The following GLIS3 variants were observed in gnomAD, a reference collection of about 807,000 sequenced individuals.
GLIS3 encodes zinc finger protein GLIS3.
In GLIS3, 53 loss-of-function variants were observed where a neutral mutation model predicts 78.6. The observed-to-expected ratio is 0.67, with a 90% CI of 0.54 to 0.85. The LOEUF is 0.85. GLIS3 is among the 40% of genes least tolerant of loss of function. GLIS3 has a pLI of 0.00. For synonymous variants in GLIS3, 684 were observed against 509.9 expected (o/e 1.34, Z -4.60); for missense variants, 1,703 against 1,231.1 (o/e 1.38, Z -5.74).
At chr9:4,079,224 C>T (rs1327825291) in intron 4 of GLIS3, among the ~76,000 whole-genome samples, 5 of 152,166 alleles carry the variant, frequency 3.3e-5, no homozygotes, top group Admixed American at 6.5e-5. Flanking sequence ...ATGCCTTGCA[C>T]ATACTCAACA....
chr9:4,347,724 G>T (rs765111608), intron 1 of GLIS3, among the ~76,000 whole-genome samples: 24 of 151,988 alleles, frequency 1.6e-4, no homozygotes, highest in African/African-American at 5.8e-4. Context: ...TTTTGGTTTG[G>T]TTTTTTTGAG....
At chr9:4,250,906 A>G (rs1824309398) in intron 2 of GLIS3, among the ~76,000 whole-genome samples, 1 of 152,202 alleles carries the variant, frequency 6.6e-6, no homozygotes, top group South Asian at 2.1e-4. Flanking sequence ...TTCAGTTTCT[A>G]TGTAGTTGTG....
rs546390086 is a variant in GLIS3 at position 4,248,139 on chromosome 9, C to T, written c.388+37899G>A. On this transcript the variant is annotated intron_variant, in intron 2 of 10. Transcript: ENST00000381971. ...GTTCTGGGATGCATGTGCAGAACGT[C>T]CAGGCTTGTTACATAGGTATGCACG... Among the ~76,000 whole-genome samples the T allele has an allele frequency of 9.2e-5, 14 of 152,208 alleles. No homozygotes were observed. In the East Asian group the frequency reaches 2.7e-3, roughly 29 times the overall value.
At chr9:4,416,968 GCTGA>G in the GLIS3 span, among the ~76,000 whole-genome samples, 1 of 151,864 alleles carries the variant, frequency 6.6e-6, no homozygotes, top group Non-Finnish European at 1.5e-5. Flanking sequence ...CCCCATTTAC[GCTGA>G]CTGTGAATTT....
intron 4 of GLIS3, among the ~76,000 whole-genome samples, chr9:3,953,052 AG>A (rs1816808146): frequency 1.3e-5 from 2 of 152,200 alleles, no homozygotes; most frequent in Non-Finnish European, 2.9e-5. Context: ...GCTGGTGAAG[AG>A]TCAAGTCACC....
the GLIS3 span, among the ~76,000 whole-genome samples, chr9:4,426,432 T>C: frequency 1.3e-5 from 2 of 152,260 alleles, no homozygotes; most frequent in African/African-American, 4.8e-5. Context: ...TTCCCAAACA[T>C]GCAGTGGTGC....
At chr9:4,355,179 G>C in the GLIS3 span, among the ~76,000 whole-genome samples, 4 of 151,982 alleles carry the variant, frequency 2.6e-5, no homozygotes, top group South Asian at 2.1e-4. Flanking sequence ...AGTTCCCTGA[G>C]TCAAAGTAGT....
At chr9:3,963,587 G>A (rs1197333889) in intron 4 of GLIS3, among the ~76,000 whole-genome samples, 1 of 152,184 alleles carries the variant, frequency 6.6e-6, no homozygotes, top group Middle Eastern at 3.2e-3. Flanking sequence ...CTCTAATGCA[G>A]AGACCAAATA....
chr9:4,354,666 G>C, the GLIS3 span, among the ~76,000 whole-genome samples: 31 of 152,136 alleles, frequency 2.0e-4, no homozygotes, highest in Non-Finnish European at 3.8e-4. Flanking sequence ...CTGCGGTCCT[G>C]GGATCAGGAG....
At chr9:4,213,373 A>G (rs1202620417) in intron 2 of GLIS3, among the ~76,000 whole-genome samples, 2 of 152,138 alleles carry the variant, frequency 1.3e-5, no homozygotes, top group Non-Finnish European at 2.9e-5. Flanking sequence ...TTTACATAGC[A>G]TATACTGTAT....
intron 2 of GLIS3, among the ~76,000 whole-genome samples, chr9:4,191,323 T>C (rs1818315366): frequency 6.6e-6 from 1 of 152,204 alleles, no homozygotes; most frequent in African/African-American, 2.4e-5. Context: ...TAACGGTGTA[T>C]TTTCAACTGA....
the GLIS3 span, among the ~76,000 whole-genome samples, chr9:4,395,498 C>A: frequency 2.0e-5 from 3 of 152,272 alleles, no homozygotes; most frequent in East Asian, 5.8e-4. Context: ...AGCTCCGATG[C>A]TCTAGCTGAA....
intron 4 of GLIS3, among the ~76,000 whole-genome samples, chr9:4,040,484 G>C (rs1476730391): frequency 2.0e-5 from 3 of 152,142 alleles, no homozygotes; most frequent in Non-Finnish European, 4.4e-5. Flanking sequence ...CCCGCTGATA[G>C]TATATCACAA....
chr9:4,362,181 T>G, the GLIS3 span, among the ~76,000 whole-genome samples: 11 of 152,214 alleles, frequency 7.2e-5, no homozygotes, highest in African/African-American at 2.7e-4. Context: ...AATTAGTCTC[T>G]TTTCCCTGAA....
chr9:3,845,083 G>C (rs941006352), intron 9 of GLIS3, among the ~76,000 whole-genome samples: 2 of 152,014 alleles, frequency 1.3e-5, no homozygotes, highest in Admixed American at 6.5e-5. Context: ...GTGTGTGTGT[G>C]TGTACAGGAG....
At chr9:4,387,691 G>A in the GLIS3 span, among the ~76,000 whole-genome samples, 2 of 152,132 alleles carry the variant, frequency 1.3e-5, no homozygotes, top group African/African-American at 4.8e-5. Context: ...ATTTGACTAA[G>A]CAATTTCTTC....
At chr9:4,162,173 T>C (rs910991314) in intron 2 of GLIS3, among the ~76,000 whole-genome samples, 3 of 152,186 alleles carry the variant, frequency 2.0e-5, no homozygotes, top group African/African-American at 4.8e-5. Flanking sequence ...CCTGTATGTC[T>C]TCTGTGTTCA....
intron 4 of GLIS3, among the ~76,000 whole-genome samples, chr9:4,109,036 G>C (rs1313944395): frequency 1.3e-5 from 2 of 152,138 alleles, no homozygotes; most frequent in African/African-American, 4.8e-5. Flanking sequence ...TCAGGACTGA[G>C]TCACTGGGAA....
At chr9:4,058,784 T>G (rs986586492) in intron 4 of GLIS3, among the ~76,000 whole-genome samples, 1 of 151,976 alleles carries the variant, frequency 6.6e-6, no homozygotes, top group Non-Finnish European at 1.5e-5. Flanking sequence ...ATCGAGACCA[T>G]CCTGGCTAAC....
Sources: gnomAD v4.1 joint callset for allele counts (sites outside exome capture counted in the v4.1 genomes callset) on GRCh38, gnomAD v4.1.1 for gene constraint, MANE v1.5 for transcripts, NCBI Gene and HGNC (gene_info 2026-07-23, HGNC 2026-07-21) for gene names.